The following SHROOM3 variants were observed in gnomAD, a reference collection of about 807,000 sequenced individuals.
SHROOM3 encodes shroom family member 3, also known as protein Shroom3.
In SHROOM3, 47 loss-of-function variants were observed where a neutral mutation model predicts 138.6. The ratio of observed to expected loss-of-function variants is 0.34; its 90% CI spans 0.27 to 0.43. The LOEUF is 0.43. Among genes scored for constraint, SHROOM3 ranks in the 20% least tolerant of loss-of-function variants. SHROOM3 has a pLI of 1.00. For missense variants in SHROOM3, 2,491 were observed against 2,596.5 expected, an observed-to-expected ratio of 0.96 and a Z score of 0.88; for synonymous variants, 1,062 against 1,063.3, an observed-to-expected ratio of 1.00 and a Z score of 0.02.
chr4:76,444,301 T>A (rs1241283524), intron 1 of SHROOM3, among the ~76,000 whole-genome samples: 1 of 150,622 alleles, frequency 6.6e-6, no homozygotes, highest in Non-Finnish European at 1.5e-5. Flanking sequence ...TATATGTATA[T>A]ATATATTTTC....
At chr4:76,524,162 A>G (rs896046296) in intron 1 of SHROOM3, among the ~76,000 whole-genome samples, 6 of 152,078 alleles carry the variant, frequency 3.9e-5, no homozygotes, top group African/African-American at 1.4e-4. Flanking sequence ...GAAGAGAGAA[A>G]CGTAAGCATC....
chr4:76,719,325 A>T (rs1007464010), intron 3 of SHROOM3, among the ~76,000 whole-genome samples: 2 of 152,230 alleles, frequency 1.3e-5, no homozygotes, highest in African/African-American at 2.4e-5. Context: ...TTCTAAAATC[A>T]TATCTGATAT....
intron 9 of SHROOM3, among the ~76,000 whole-genome samples, 196 bp from the exon 10 acceptor site, chr4:76,770,430 G>C (rs1722322723): frequency 6.7e-6 from 1 of 150,320 alleles, no homozygotes. Flanking sequence ...GGTGTGTGAG[G>C]TTTAGAGAAA....
chr4:76,455,962 G>A (rs886946879), intron 1 of SHROOM3, among the ~76,000 whole-genome samples: 1 of 152,040 alleles, frequency 6.6e-6, no homozygotes, highest in Non-Finnish European at 1.5e-5. Flanking sequence ...AAATGGTATA[G>A]TATTTGCATA....
intron 1 of SHROOM3, among the ~76,000 whole-genome samples, chr4:76,480,315 A>C (rs1327491766): frequency 1.3e-5 from 2 of 152,230 alleles, no homozygotes; most frequent in Non-Finnish European, 2.9e-5. Flanking sequence ...AATGGAAAGC[A>C]AAAAAGGAAA....
intron 1 of SHROOM3, among the ~76,000 whole-genome samples, chr4:76,521,319 C>T (rs962641583): frequency 6.6e-6 from 1 of 152,028 alleles, no homozygotes; most frequent in African/African-American, 2.4e-5. Context: ...TGTGTGCACA[C>T]ATGTGTGTTG....
chr4:76,756,354 C>T (rs1721809544), intron 7 of SHROOM3, 95 bp from the exon 8 acceptor site: 1 of 1,439,576 alleles, frequency 6.9e-7, no homozygotes, highest in Middle Eastern at 2.4e-4. Flanking sequence ...AAGCTTCTCC[C>T]TCAGTCTTTC....
chr4:76,527,700 T>G (rs1238339700), intron 1 of SHROOM3, among the ~76,000 whole-genome samples: 1 of 152,232 alleles, frequency 6.6e-6, no homozygotes, highest in East Asian at 1.9e-4. Flanking sequence ...TAACTTGTCA[T>G]TTTTTCTTTA....
At chr4:76,612,686 C>T (rs1361049709) in intron 2 of SHROOM3, among the ~76,000 whole-genome samples, 1 of 152,108 alleles carries the variant, frequency 6.6e-6, no homozygotes, top group Non-Finnish European at 1.5e-5. Context: ...TACCTGTAAT[C>T]CCAGCACTTT....
Position 76,754,673 on chromosome 4 carries a change from C to G in SHROOM3, c.4190C>G (p.Pro1397Arg). 6.2e-7 allele frequency: 1 copy of G among 1,614,184 alleles called. No homozygotes were observed. The highest frequency in any genetic ancestry group is 8.5e-7 in the Non-Finnish European group (1 of 1,180,030). ...AGCAATGGTCACACCCTGACCCAGCCTCCCGGTCCAAGAGGCTGTGAGGGC... is the reference window on the plus strand; with the variant it reads ...AGCAATGGTCACACCCTGACCCAGCGTCCCGGTCCAAGAGGCTGTGAGGGC... ...HRSNGHTLTQ[P>R]PGPRGCEGDG... The change falls in exon 7 of 11, where the codon CCT (proline) becomes CGT (arginine). Residue 1397 changes from proline (P) to arginine (R), a missense_variant. Around this residue, in one of 4 missense-constraint regions of SHROOM3, gnomAD observed 1,733 missense variants for 1,661.6 expected, o/e 1.04. Transcript: ENST00000296043.
intron 2 of SHROOM3, among the ~76,000 whole-genome samples, chr4:76,575,101 A>G (rs1179474738): frequency 6.6e-6 from 1 of 152,234 alleles, no homozygotes. Flanking sequence ...ACAAAACCAG[A>G]TGATCATTTC....
chr4:76,587,106 G>A (rs753407023), intron 2 of SHROOM3: 2 of 152,108 alleles, frequency 1.3e-5, no homozygotes, highest in Non-Finnish European at 2.9e-5. Context: ...GCTTAAGAAC[G>A]TGCTTCTGTG....
chr4:76,710,391 C>G (rs774192662), intron 3 of SHROOM3, 104 bp downstream of exon 3: 1 of 1,407,376 alleles, frequency 7.1e-7, no homozygotes, highest in Non-Finnish European at 9.9e-7. Flanking sequence ...GGTCAGGATA[C>G]AGGCTGTTGA....
At position 76,645,838 on chromosome 4, in the gene SHROOM3, ACTT is replaced by A. The variant is rs368786040; in HGVS notation, c.324-64310_324-64308del. 4.7e-4 allele frequency among the ~76,000 whole-genome samples: 71 copies of A among 152,124 alleles called. No individual in the cohort carries two copies. In the East Asian group the frequency reaches 0.01, roughly 22 times the overall value. ...TCTGGAAAAATCCCAAATCCAAAAC[ACTT>A]CTTCTTCCAAGAATTTCAGATAAGG... is the stretch of plus-strand genomic sequence containing the variant. On this transcript the variant is annotated intron_variant, in intron 2 of 10. Transcript: ENST00000296043.
In SHROOM3 at chr4:76,733,212, G is replaced by A. The variant is rs549333912; in HGVS notation, c.587+2277G>A. ...AATGACTGCTTACAGTAACTATGGT[G>A]AGCTCCAGTAGGCCTCAGGGGAATG... On this transcript the variant is annotated intron_variant, in intron 4 of 10. Coordinates refer to ENST00000296043, the MANE Select transcript of SHROOM3 (RefSeq NM_020859.4). Among the ~76,000 whole-genome samples the A allele has an allele frequency of 3.3e-5, 5 of 152,298 alleles. No individual in the cohort carries two copies. In the East Asian group the frequency reaches 7.7e-4, roughly 24 times the overall value.
At chr4:76,575,317 A>G (rs1404623357) in intron 2 of SHROOM3, among the ~76,000 whole-genome samples, 1 of 152,196 alleles carries the variant, frequency 6.6e-6, no homozygotes, top group Non-Finnish European at 1.5e-5. Context: ...ACCCACTTTC[A>G]CTACTGGTAT....
intron 2 of SHROOM3, among the ~76,000 whole-genome samples, chr4:76,602,901 G>T (rs541640912): frequency 6.6e-6 from 1 of 152,132 alleles, no homozygotes; most frequent in Admixed American, 6.5e-5. Context: ...TTCTTAGAAG[G>T]TGATTATAAG....
chr4:76,743,418 A>C (rs4859459), intron 5 of SHROOM3, among the ~76,000 whole-genome samples: 2 of 152,024 alleles, frequency 1.3e-5, no homozygotes, highest in Non-Finnish European at 2.9e-5. Context: ...TCATCATGGA[A>C]ATCAGTTCCT....
At chr4:76,567,000 G>C (rs937809935) in intron 2 of SHROOM3, among the ~76,000 whole-genome samples, 9 of 152,220 alleles carry the variant, frequency 5.9e-5, no homozygotes, top group African/African-American at 2.2e-4. Context: ...CCGTGCCGCT[G>C]TCTGTAGACC....
Sources: gnomAD v4.1 joint callset for allele counts (sites outside exome capture counted in the v4.1 genomes callset) on GRCh38, gnomAD v4.1.1 for gene constraint, gnomAD v4.1.1 regional missense constraint, MANE v1.5 for transcripts, NCBI Gene and HGNC (gene_info 2026-07-23, HGNC 2026-07-21) for gene names.